Variants in CCDC146 observed in about 807,000 individuals in gnomAD.
CCDC146 encodes the protein coiled-coil domain containing 146.
Under a neutral mutation model 119.3 loss-of-function variants are expected in CCDC146, and 92 were observed. The ratio of observed to expected loss-of-function variants is 0.77; its 90% CI spans 0.65 to 0.92. The LOEUF (loss-of-function observed/expected upper bound fraction) is 0.92, where lower values mean the gene tolerates loss of function less well. CCDC146 is among the 40% of genes least tolerant of loss of function. The probability of loss-of-function intolerance (pLI) is 0.00; values close to 1 mark genes in which losing one functional copy is unlikely to be tolerated. For synonymous variants in CCDC146, 372 were observed against 371.8 expected (o/e 1.00, Z -0.01); for missense variants, 1,000 against 1,103.0 (o/e 0.91, Z 1.32).
chr7:77,291,455 A>G (rs2150558558), intron 17 of CCDC146, among the ~76,000 whole-genome samples: 1 of 152,054 alleles, frequency 6.6e-6, no homozygotes, highest in Admixed American at 6.5e-5. Flanking sequence ...CTGTAATCCC[A>G]GCACTTTGGG....
chr7:77,123,552 C>G lies in CCDC146; in HGVS notation c.-12+820C>G, dbSNP rs181010414. Among the ~76,000 whole-genome samples the G allele has an allele frequency of 1.3e-5, 2 of 151,840 alleles. 1 individual carries two copies. Among genetic ancestry groups the G allele is most frequent in the Admixed American group, 1.3e-4 (2 of 15,230 alleles). ...CTTTCCTGCCTGGTTTCTCTCTCCC[C>G]CTCTGTGCCCCTACTTCCTCCTAAA... On this transcript the variant is annotated intron_variant, in intron 1 of 18. Transcript: ENST00000285871.
intron 2 of CCDC146, among the ~76,000 whole-genome samples, chr7:77,219,035 G>C (rs1471906032): frequency 6.6e-6 from 1 of 152,108 alleles, no homozygotes; most frequent in Non-Finnish European, 1.5e-5. Flanking sequence ...TATTTTAAGA[G>C]ATTTAAGTAC....
intron 2 of CCDC146, among the ~76,000 whole-genome samples, chr7:77,184,709 G>A (rs1318663960): frequency 6.6e-6 from 1 of 152,156 alleles, no homozygotes; most frequent in Non-Finnish European, 1.5e-5. Context: ...ATAGGAACTT[G>A]TTTGCCCTTT....
chr7:77,267,811 C>A (rs1048059347), intron 9 of CCDC146, among the ~76,000 whole-genome samples: 4 of 152,128 alleles, frequency 2.6e-5, no homozygotes, highest in African/African-American at 9.7e-5. Context: ...ATCCCAAATT[C>A]TTCTCCAATT....
chr7:77,145,535 G>C (rs2117430247), intron 1 of CCDC146, among the ~76,000 whole-genome samples: 1 of 151,840 alleles, frequency 6.6e-6, no homozygotes, highest in East Asian at 1.9e-4. Flanking sequence ...GATCTTTCCT[G>C]CTTTCTCTTG....
At chr7:77,181,362 A>G (rs574256029) in intron 2 of CCDC146, among the ~76,000 whole-genome samples, 1 of 152,270 alleles carries the variant, frequency 6.6e-6, no homozygotes, top group South Asian at 2.1e-4. Flanking sequence ...GTGGGGGTGT[A>G]GACTCTGGAA....
intron 1 of CCDC146, among the ~76,000 whole-genome samples, chr7:77,145,064 A>G (rs1790993999): frequency 6.6e-6 from 1 of 151,550 alleles, no homozygotes; most frequent in Non-Finnish European, 1.5e-5. Context: ...TTTTTTGGTT[A>G]GTAGGCTATT....
chr7:77,181,104 G>A (rs1188950474), intron 2 of CCDC146, among the ~76,000 whole-genome samples: 1 of 152,162 alleles, frequency 6.6e-6, no homozygotes, highest in Non-Finnish European at 1.5e-5. Flanking sequence ...CCTGAAGGAA[G>A]GGACACATCA....
intron 2 of CCDC146, among the ~76,000 whole-genome samples, chr7:77,185,174 A>C (rs947778011): frequency 6.6e-6 from 1 of 152,168 alleles, no homozygotes; most frequent in Admixed American, 6.5e-5. Context: ...TGACATTGGA[A>C]ATGCTCCTAG....
chr7:77,259,374 G>C (rs1045951694), intron 7 of CCDC146: 1 of 249,368 alleles, frequency 4.0e-6, no homozygotes, highest in African/African-American at 2.3e-5. Context: ...TATGCGAACT[G>C]GTTAGAATTT....
intron 11 of CCDC146, among the ~76,000 whole-genome samples, chr7:77,276,220 A>AAAAG: frequency 6.6e-6 from 1 of 151,406 alleles, no homozygotes; most frequent in Non-Finnish European, 1.5e-5. Flanking sequence ...ATAAAAAAAA[A>AAAAG]AAAGAATTTA....
chr7:77,154,280 A>C lies in CCDC146; in HGVS notation c.-11-13378A>C, dbSNP rs10257142. Among the ~76,000 whole-genome samples the C allele has an allele frequency of 5.6e-3, 853 of 152,132 alleles. 10 individuals are homozygous for C. Among genetic ancestry groups the C allele is most frequent in the African/African-American group, 0.019 (799 of 41,420 alleles). On this transcript the variant is annotated intron_variant, in intron 1 of 18. Transcript: ENST00000285871. ...AACTCACAAAACTGAATTTTAAACT[A>C]ACAAAACTGAATTTTATTGCATTCA...
intron 2 of CCDC146, among the ~76,000 whole-genome samples, chr7:77,169,785 T>G (rs947456501): frequency 1.3e-5 from 2 of 152,146 alleles, no homozygotes; most frequent in Non-Finnish European, 2.9e-5. Context: ...TCTTGTATTT[T>G]TTTTGCTCCA....
chr7:77,147,513 G>C (rs533863692), intron 1 of CCDC146, among the ~76,000 whole-genome samples: 2 of 152,282 alleles, frequency 1.3e-5, no homozygotes, highest in African/African-American at 4.8e-5. Flanking sequence ...CAGCTTTTCT[G>C]CTCTGTTTTT....
chr7:77,271,064 A>AAC (rs1554360430), intron 9 of CCDC146, among the ~76,000 whole-genome samples: 1 of 152,104 alleles, frequency 6.6e-6, no homozygotes, highest in East Asian at 1.9e-4. Context: ...AAAAAAAAAA[A>AAC]AAAAACAGCA....
intron 1 of CCDC146, among the ~76,000 whole-genome samples, chr7:77,140,418 C>T (rs549874014): frequency 2.7e-4 from 41 of 152,188 alleles, no homozygotes; most frequent in Non-Finnish European, 4.8e-4. Flanking sequence ...TCTGAGATCA[C>T]AGTATTGCTG....
At chr7:77,290,300 A>C (rs1793922056) in intron 17 of CCDC146, among the ~76,000 whole-genome samples, 1 of 152,080 alleles carries the variant, frequency 6.6e-6, no homozygotes, top group South Asian at 2.1e-4. Context: ...TGGGTGCAGC[A>C]CACCAACATG....
At chr7:77,166,902 C>T (rs556143780) in intron 1 of CCDC146, among the ~76,000 whole-genome samples, 1 of 152,116 alleles carries the variant, frequency 6.6e-6, no homozygotes, top group Non-Finnish European at 1.5e-5. Flanking sequence ...TACAGAAGAA[C>T]CTCAGTTTTG....
chr7:77,192,550 G>A lies in CCDC146; in HGVS notation c.156+24726G>A, dbSNP rs79391869. Reference sequence around the variant, plus strand: ...GTAGTTTGTTTGTGTACAACAAGGCGTTTAGTATGGCAGAAGTATAAGTAG... The same window carrying A: ...GTAGTTTGTTTGTGTACAACAAGGCATTTAGTATGGCAGAAGTATAAGTAG... On this transcript the variant is annotated intron_variant, in intron 2 of 18. Transcript: ENST00000285871. 2.5e-3 allele frequency among the ~76,000 whole-genome samples: 377 copies of A among 152,330 alleles called. 15 individuals carry two copies. The East Asian group carries it at 0.066, about 27-fold the overall frequency.
Sources: gnomAD v4.1 joint callset for allele counts (sites outside exome capture counted in the v4.1 genomes callset) on GRCh38, gnomAD v4.1.1 for gene constraint, MANE v1.5 for transcripts, NCBI Gene and HGNC (gene_info 2026-07-23, HGNC 2026-07-21) for gene names.